Variants in PHACTR1 observed in about 807,000 individuals in gnomAD.
The protein encoded by PHACTR1 is phosphatase and actin regulator 1, also known as RPEL repeat containing 1.
In PHACTR1, 16 loss-of-function variants were observed where a neutral mutation model predicts 69.2. The ratio of observed to expected loss-of-function variants is 0.23; its 90% CI spans 0.16 to 0.35. PHACTR1 has a LOEUF of 0.35. Ranked by LOEUF, PHACTR1 falls within the 10% of genes least tolerant of loss-of-function variation. PHACTR1 has a pLI of 1.00. For synonymous variants in PHACTR1, 312 were observed against 284.5 expected (o/e 1.10, Z -0.97); for missense variants, 510 against 734.7 (o/e 0.69, Z 3.54).
At chr6:12,733,019 T>C (rs1763750614) in intron 3 of PHACTR1, among the ~76,000 whole-genome samples, 1 of 152,216 alleles carries the variant, frequency 6.6e-6, no homozygotes, top group Non-Finnish European at 1.5e-5. Flanking sequence ...AAAATATCTA[T>C]GTAATCTATA....
chr6:13,248,325 C>T (rs1773873481), intron 10 of PHACTR1, among the ~76,000 whole-genome samples: 3 of 152,200 alleles, frequency 2.0e-5, no homozygotes, highest in African/African-American at 7.2e-5. Context: ...ATAAAGTGAG[C>T]TCATTCATTC....
intron 10 of PHACTR1, among the ~76,000 whole-genome samples, chr6:13,233,987 A>G (rs1410135172): frequency 6.6e-6 from 1 of 152,214 alleles, no homozygotes; most frequent in East Asian, 1.9e-4. Flanking sequence ...AAATTGGCAA[A>G]GTTGTACAGA....
At chr6:13,037,445 T>A (rs1803477728) in intron 4 of PHACTR1, among the ~76,000 whole-genome samples, 1 of 152,142 alleles carries the variant, frequency 6.6e-6, no homozygotes, top group African/African-American at 2.4e-5. Flanking sequence ...CAGTCTGGGT[T>A]ATATTAAAAA....
At chr6:13,001,934 A>C (rs1798141250) in intron 4 of PHACTR1, among the ~76,000 whole-genome samples, 1 of 152,212 alleles carries the variant, frequency 6.6e-6, no homozygotes, top group Admixed American at 6.5e-5. Flanking sequence ...ATCAACCTGG[A>C]TTCAAATTGA....
intron 2 of PHACTR1, 73 bp downstream of exon 2, chr6:12,717,816 A>G (rs1467922598): frequency 6.6e-6 from 1 of 152,198 alleles, no homozygotes; most frequent in Non-Finnish European, 1.5e-5. Context: ...GGTTTCTTAA[A>G]TTAAAATACA....
intron 4 of PHACTR1, chr6:12,933,941 C>G (rs377567583): frequency 6.3e-7 from 1 of 1,598,472 alleles, no homozygotes; most frequent in South Asian, 1.1e-5. Flanking sequence ...TGCGGGTTGG[C>G]GTGTGTATTC....
intron 6 of PHACTR1, among the ~76,000 whole-genome samples, chr6:13,168,810 G>A (rs10948508): frequency 1.3e-5 from 2 of 151,772 alleles, no homozygotes; most frequent in East Asian, 3.9e-4. Context: ...GAAGAGAAGG[G>A]GTAAGAGTGC....
At chr6:12,761,532 G>A (rs1312044028) in intron 4 of PHACTR1, among the ~76,000 whole-genome samples, 3 of 152,116 alleles carry the variant, frequency 2.0e-5, no homozygotes, top group Non-Finnish European at 2.9e-5. Context: ...TTCTTAGTGT[G>A]GTCTTGACCT....
At chr6:13,102,232 T>G (rs931301592) in intron 5 of PHACTR1, among the ~76,000 whole-genome samples, 1 of 152,176 alleles carries the variant, frequency 6.6e-6, no homozygotes, top group African/African-American at 2.4e-5. Context: ...TTGATTGGGC[T>G]GGAGGAAAAA....
At chr6:12,987,232 G>C (rs1469225573) in intron 4 of PHACTR1, among the ~76,000 whole-genome samples, 1 of 152,084 alleles carries the variant, frequency 6.6e-6, no homozygotes, top group Admixed American at 6.5e-5. Flanking sequence ...TTTTACAGCA[G>C]AATGACATTA....
At chr6:13,054,126 A>G (rs1332768809) in intron 5 of PHACTR1, among the ~76,000 whole-genome samples, 1 of 152,230 alleles carries the variant, frequency 6.6e-6, no homozygotes, top group African/African-American at 2.4e-5. Flanking sequence ...CACTTCCTGG[A>G]TTTGAATCCC....
chr6:13,269,648 T>C (rs1433198832), intron 10 of PHACTR1, among the ~76,000 whole-genome samples: 1 of 152,074 alleles, frequency 6.6e-6, no homozygotes, highest in African/African-American at 2.4e-5. Flanking sequence ...CTGGCCAACA[T>C]GGTGAAACCC....
At chr6:12,886,990 A>G (rs957653443) in intron 4 of PHACTR1, among the ~76,000 whole-genome samples, 2 of 152,100 alleles carry the variant, frequency 1.3e-5, no homozygotes, top group Non-Finnish European at 2.9e-5. Context: ...TGCAGCTCCA[A>G]TGTGATAAAA....
At chr6:12,919,449 C>T (rs376860241) in intron 4 of PHACTR1, among the ~76,000 whole-genome samples, 1 of 152,060 alleles carries the variant, frequency 6.6e-6, no homozygotes, top group Non-Finnish European at 1.5e-5. Context: ...CCTATAAAGA[C>T]TTTTAAGGAA....
At chr6:12,887,956 C>A (rs1384496106) in intron 4 of PHACTR1, among the ~76,000 whole-genome samples, 1 of 150,884 alleles carries the variant, frequency 6.6e-6, no homozygotes, top group East Asian at 2.0e-4. Context: ...ACCTGTAGTC[C>A]CAGCTACTCG....
At chr6:12,992,005 A>G (rs770581648) in intron 4 of PHACTR1, among the ~76,000 whole-genome samples, 38 of 151,264 alleles carry the variant, frequency 2.5e-4, no homozygotes, top group Non-Finnish European at 5.3e-4. Flanking sequence ...GCTATTTTCT[A>G]GCACCCCAAA....
chr6:13,172,300 T>G (rs1249838710), intron 6 of PHACTR1, among the ~76,000 whole-genome samples: 1 of 152,194 alleles, frequency 6.6e-6, no homozygotes, highest in Non-Finnish European at 1.5e-5. Context: ...CTACAAACCT[T>G]GGAGCCAGAG....
intron 10 of PHACTR1, among the ~76,000 whole-genome samples, chr6:13,259,788 G>A (rs1396298663): frequency 2.0e-5 from 3 of 152,174 alleles, no homozygotes; most frequent in Non-Finnish European, 4.4e-5. Flanking sequence ...TCCCCCCTCT[G>A]TGCTCTCTCC....
intron 4 of PHACTR1, among the ~76,000 whole-genome samples, chr6:12,961,890 G>A (rs758094544): frequency 1.3e-5 from 2 of 152,102 alleles, no homozygotes; most frequent in Admixed American, 6.5e-5. Flanking sequence ...CCCTTAGTCT[G>A]TGGGTGTCTG....
Sources: allele counts gnomAD v4.1 joint callset (sites outside exome capture counted in the v4.1 genomes callset), GRCh38; gene constraint gnomAD v4.1.1; transcripts MANE v1.5; gene names NCBI Gene and HGNC (gene_info 2026-07-23, HGNC 2026-07-21).